Variants in GPM6A observed in about 807,000 individuals in gnomAD.
GPM6A encodes the protein glycoprotein M6A, also known as neuronal membrane glycoprotein M6-a.
A neutral mutation model predicts 32.1 loss-of-function variants in GPM6A; 7 were observed. The ratio of observed to expected loss-of-function variants is 0.22; its 90% CI spans 0.12 to 0.41. The LOEUF (loss-of-function observed/expected upper bound fraction) is 0.41. Among genes scored for constraint, GPM6A ranks in the 10% least tolerant of loss-of-function variants. The probability of loss-of-function intolerance (pLI) is 1.00; values close to 1 mark genes in which losing one functional copy is unlikely to be tolerated. For missense variants in GPM6A, 235 were observed against 347.2 expected (o/e 0.68, Z 2.57); for synonymous variants, 130 against 123.4 (o/e 1.05, Z -0.35).
At chr4:175,823,529 A>AT (rs1735342032) in intron 1 of GPM6A, among the ~76,000 whole-genome samples, 1 of 152,230 alleles carries the variant, frequency 6.6e-6, no homozygotes, top group Non-Finnish European at 1.5e-5. Flanking sequence ...GTGGCTTGCC[A>AT]TAAGTCCTGA....
At chr4:175,991,829 C>G (rs1280276213) in intron 1 of GPM6A, among the ~76,000 whole-genome samples, 1 of 151,930 alleles carries the variant, frequency 6.6e-6, no homozygotes, top group Non-Finnish European at 1.5e-5. Context: ...GATGTATAGA[C>G]TAGGATTTAA....
At chr4:175,871,864 C>CT (rs1736921526) in intron 1 of GPM6A, among the ~76,000 whole-genome samples, 1 of 152,104 alleles carries the variant, frequency 6.6e-6, no homozygotes, top group East Asian at 1.9e-4. Flanking sequence ...AATTTTATTT[C>CT]TTTTTTTTCC....
chr4:175,882,940 T>C (rs1251996621), intron 1 of GPM6A, among the ~76,000 whole-genome samples: 1 of 152,050 alleles, frequency 6.6e-6, no homozygotes, highest in East Asian at 1.9e-4. Context: ...GATAAAGGCA[T>C]TCTAAGTAGC....
intron 1 of GPM6A, among the ~76,000 whole-genome samples, chr4:175,908,671 G>A (rs556188054): frequency 5.7e-4 from 87 of 151,788 alleles, no homozygotes; most frequent in Non-Finnish European, 1.1e-3. Flanking sequence ...ATTCCTACAA[G>A]GATAAAGAAG....
chr4:175,836,170 T>C (rs983721806), intron 1 of GPM6A, among the ~76,000 whole-genome samples: 11 of 152,200 alleles, frequency 7.2e-5, no homozygotes, highest in African/African-American at 2.4e-4. Flanking sequence ...TGATATTCCC[T>C]GAACACTTGA....
intron 1 of GPM6A, chr4:175,800,693 A>G (rs569084631): frequency 5.7e-6 from 1 of 175,558 alleles, no homozygotes; most frequent in Non-Finnish European, 1.3e-5. Context: ...CAAAATTACC[A>G]GAGAGGTAAT....
intron 1 of GPM6A, among the ~76,000 whole-genome samples, chr4:175,911,634 A>G (rs991777362): frequency 6.6e-6 from 1 of 152,344 alleles, no homozygotes; most frequent in South Asian, 2.1e-4. Flanking sequence ...TTAAGAAAAC[A>G]TAAGTTCAGT....
chr4:175,856,344 C>T (rs557163247), intron 1 of GPM6A, among the ~76,000 whole-genome samples: 2 of 152,304 alleles, frequency 1.3e-5, no homozygotes, highest in Non-Finnish European at 2.9e-5. Context: ...GGCTCATTTG[C>T]TCAAACTGCT....
intron 6 of GPM6A, among the ~76,000 whole-genome samples, chr4:175,637,557 T>A (rs1238499581): frequency 1.0e-5 from 1 of 96,392 alleles, no homozygotes; most frequent in Non-Finnish European, 1.9e-5. Context: ...ATATATTATA[T>A]AAAAATATAT....
intron 1 of GPM6A, among the ~76,000 whole-genome samples, chr4:175,837,799 T>A (rs1329600164): frequency 6.6e-6 from 1 of 152,210 alleles, no homozygotes; most frequent in East Asian, 1.9e-4. Context: ...ATCCATGTCC[T>A]CATCTGCCTT....
intron 1 of GPM6A, among the ~76,000 whole-genome samples, chr4:175,886,669 C>A (rs544774755): frequency 6.8e-6 from 1 of 146,578 alleles, no homozygotes; most frequent in Non-Finnish European, 1.5e-5. Context: ...ATTTGATCAA[C>A]GAAATACAAC....
chr4:175,793,673 G>A (rs555487432), intron 1 of GPM6A, among the ~76,000 whole-genome samples: 54 of 152,222 alleles, frequency 3.5e-4, no homozygotes, highest in African/African-American at 1.2e-3. Flanking sequence ...ACTGTACCCG[G>A]CCAAGATCCA....
chr4:175,695,996 G>T (rs530412680), intron 2 of GPM6A, among the ~76,000 whole-genome samples: 2 of 152,184 alleles, frequency 1.3e-5, no homozygotes, highest in Admixed American at 6.5e-5. Context: ...CACAATAACT[G>T]GTTGTTTAGG....
intron 1 of GPM6A, among the ~76,000 whole-genome samples, chr4:175,747,766 A>G (rs549736239): frequency 6.6e-6 from 1 of 151,966 alleles, no homozygotes; most frequent in South Asian, 2.1e-4. Flanking sequence ...GGCTGTGTCA[A>G]TTTCTTAAAA....
chr4:175,811,564 T>G (rs1250347814), intron 1 of GPM6A, among the ~76,000 whole-genome samples: 1 of 152,170 alleles, frequency 6.6e-6, no homozygotes, highest in Non-Finnish European at 1.5e-5. Flanking sequence ...ATAAAAAAAT[T>G]TCCTTTAACA....
chr4:175,815,584 A>C (rs1181650212), upstream of GPM6A, among the ~76,000 whole-genome samples: 1 of 152,062 alleles, frequency 6.6e-6, no homozygotes, highest in Non-Finnish European at 1.5e-5. Flanking sequence ...TTAGTCATTT[A>C]TTTAAAATAT....
intron 1 of GPM6A, among the ~76,000 whole-genome samples, chr4:175,885,369 G>A (rs920823801): frequency 6.6e-6 from 1 of 152,220 alleles, no homozygotes; most frequent in African/African-American, 2.4e-5. Flanking sequence ...TAAGGAGGAT[G>A]GGCTGGGATG....
intron 2 of GPM6A, among the ~76,000 whole-genome samples, chr4:175,682,381 C>T (rs1400839790): frequency 6.6e-6 from 1 of 151,478 alleles, no homozygotes; most frequent in Admixed American, 6.6e-5. Context: ...GACCATGTGG[C>T]AAGAGGAAAA....
chr4:175,953,569 G>A (rs897160783), intron 1 of GPM6A, among the ~76,000 whole-genome samples: 7 of 152,112 alleles, frequency 4.6e-5, no homozygotes, highest in Admixed American at 3.3e-4. Flanking sequence ...ACAACTTTGA[G>A]TTCTGCAGGA....
Sources: gnomAD v4.1 joint callset for allele counts (sites outside exome capture counted in the v4.1 genomes callset) on GRCh38, gnomAD v4.1.1 for gene constraint, MANE v1.5 for transcripts, NCBI Gene and HGNC (gene_info 2026-07-23, HGNC 2026-07-21) for gene names.